The following KCNIP1 variants were observed in gnomAD, a reference collection of about 807,000 sequenced individuals.
KCNIP1 encodes the protein potassium voltage-gated channel interacting protein 1, also known as A-type potassium channel modulatory protein KCNIP1.
KCNIP1 carries 18 observed loss-of-function variants against 33.0 expected under a neutral mutation model. The observed-to-expected ratio is 0.55, with a 90% CI of 0.38 to 0.81. The LOEUF is 0.81. Among genes scored for constraint, KCNIP1 ranks in the 30% least tolerant of loss-of-function variants. The pLI is 0.00. For missense variants in KCNIP1, 238 were observed against 271.6 expected, an observed-to-expected ratio of 0.88 and a Z score of 0.87; for synonymous variants, 93 against 98.3, an observed-to-expected ratio of 0.95 and a Z score of 0.32.
intron 1 of KCNIP1, among the ~76,000 whole-genome samples, chr5:170,551,632 G>T (rs1190666430): frequency 6.6e-6 from 1 of 151,794 alleles, no homozygotes; most frequent in Non-Finnish European, 1.5e-5. Context: ...GTGTGTGTGT[G>T]TGTGCATGTG....
intron 1 of KCNIP1, among the ~76,000 whole-genome samples, chr5:170,520,852 G>A (rs1277120811): frequency 2.6e-5 from 4 of 152,098 alleles, no homozygotes; most frequent in Non-Finnish European, 2.9e-5. Context: ...CTCAGAAGCC[G>A]GGCAGTGCTG....
chr5:170,467,007 G>T (rs1288992145), intron 1 of KCNIP1, among the ~76,000 whole-genome samples: 1 of 152,226 alleles, frequency 6.6e-6, no homozygotes, highest in Admixed American at 6.5e-5. Flanking sequence ...TACTGAGAAT[G>T]TGAGTGTAAT....
intron 1 of KCNIP1, among the ~76,000 whole-genome samples, chr5:170,718,060 A>G (rs1470443320): frequency 6.6e-6 from 1 of 152,224 alleles, no homozygotes; most frequent in Admixed American, 6.5e-5. Context: ...CACTTTCTAA[A>G]TAACTAATGC....
chr5:170,499,342 G>C (rs1757368015), upstream of KCNIP1, among the ~76,000 whole-genome samples: 1 of 152,218 alleles, frequency 6.6e-6, no homozygotes, highest in African/African-American at 2.4e-5. Flanking sequence ...CACAGCAACA[G>C]GAATAGGGCA....
intron 1 of KCNIP1, among the ~76,000 whole-genome samples, chr5:170,656,500 G>C (rs1314680721): frequency 1.3e-5 from 2 of 152,230 alleles, no homozygotes; most frequent in Non-Finnish European, 2.9e-5. Context: ...CCCCCAGTGT[G>C]AGCCTCAGCT....
chr5:170,457,149 A>T (rs1313999975), intron 1 of KCNIP1, among the ~76,000 whole-genome samples: 1 of 152,272 alleles, frequency 6.6e-6, no homozygotes, highest in African/African-American at 2.4e-5. Context: ...GAGGAATACA[A>T]CAAGCCAATT....
chr5:170,610,688 A>G (rs1246195348), intron 1 of KCNIP1, among the ~76,000 whole-genome samples: 7 of 152,202 alleles, frequency 4.6e-5, no homozygotes, highest in Non-Finnish European at 5.9e-5. Flanking sequence ...TATGTATTCC[A>G]TGGAGTTGCT....
chr5:170,654,231 T>G (rs1346616898), intron 1 of KCNIP1, among the ~76,000 whole-genome samples: 2 of 152,198 alleles, frequency 1.3e-5, no homozygotes, highest in Admixed American at 6.5e-5. Flanking sequence ...GGAGGATCCA[T>G]GCCATTGACC....
intron 3 of KCNIP1, chr5:170,721,615 T>A (rs1763827325): frequency 1.2e-6 from 1 of 831,998 alleles, no homozygotes. Flanking sequence ...TCATGATGGC[T>A]AGAGGGAGGG....
chr5:170,696,254 C>T (rs1488020132), intron 1 of KCNIP1, among the ~76,000 whole-genome samples: 2 of 152,098 alleles, frequency 1.3e-5, no homozygotes, highest in African/African-American at 2.4e-5. Context: ...GTCATTGATG[C>T]CAGTATTTGT....
rs531429657 is a variant in KCNIP1 at position 170,580,383 on chromosome 5, T to C, written c.61+75750T>C. 2.6e-5 allele frequency among the ~76,000 whole-genome samples: 4 copies of C among 152,322 alleles called. No individual in the cohort carries two copies. In the South Asian group the frequency reaches 8.3e-4, roughly 32 times the overall value. On this transcript the variant is annotated intron_variant, in intron 1 of 7. Coordinates refer to ENST00000328939, the MANE Select transcript of KCNIP1 (RefSeq NM_014592.4). ...TACATGTCTTAGCCAACTTCATCCT[T>C]GTAACAAACCTGGAAGGCAGGCACT...
intron 1 of KCNIP1, among the ~76,000 whole-genome samples, chr5:170,597,789 ATATATATATATATATATATATATAT>A (rs1561708590): frequency 8.8e-4 from 2 of 2,278 alleles, no homozygotes; most frequent in African/African-American, 1.1e-3. Context: ...AGATAAATAT[ATATATATATATATATATATATATAT>A]ATATATATAT....
At chr5:170,361,084 G>A (rs1190462759) in intron 1 of KCNIP1, among the ~76,000 whole-genome samples, 1 of 152,252 alleles carries the variant, frequency 6.6e-6, no homozygotes, top group Non-Finnish European at 1.5e-5. Context: ...CTCATGCTCT[G>A]CTGGGGGACT....
Position 170,504,760 on chromosome 5 carries a change from T to C in KCNIP1, c.61+127T>C. ...CACGAGGAGCCCGGACAGGTGCTTG[T>C]ATCCAAAGGAGAGAGAAATCGGCGG... On this transcript the variant is annotated intron_variant, in intron 1 of 7. Coordinates refer to ENST00000328939, the MANE Select transcript of KCNIP1 (RefSeq NM_014592.4). The surrounding 1 kb of genome is among the most constrained non-coding windows in gnomAD (Gnocchi z 6.0). 1 of 780,884 alleles carries C rather than the reference T, an allele frequency of 1.3e-6. No homozygotes were observed. Among genetic ancestry groups the C allele is most frequent in the Non-Finnish European group, 2.2e-6 (1 of 463,784 alleles). The allele number at this position is 780,884 out of a possible 1,614,324, so 48.4% of individuals were successfully genotyped here. A position where few individuals can be genotyped will look rare whatever the true frequency, so the allele number is the denominator to read the frequency against.
At chr5:170,415,377 G>A (rs905724208) in intron 1 of KCNIP1, among the ~76,000 whole-genome samples, 3 of 152,132 alleles carry the variant, frequency 2.0e-5, no homozygotes, top group African/African-American at 7.2e-5. Flanking sequence ...ATTCTTTGCT[G>A]TGGGGGGACT....
chr5:170,500,506 G>A (rs573711037), upstream of KCNIP1, among the ~76,000 whole-genome samples: 35 of 152,296 alleles, frequency 2.3e-4, no homozygotes, highest in Admixed American at 6.5e-4. Flanking sequence ...TGCAGTCAGG[G>A]TGACTGATGG....
chr5:170,478,446 T>C (rs1437560926), intron 1 of KCNIP1, among the ~76,000 whole-genome samples: 2 of 152,072 alleles, frequency 1.3e-5, no homozygotes, highest in Non-Finnish European at 2.9e-5. Context: ...CTGCTGTTAA[T>C]GGCAGTCCTG....
chr5:170,538,128 A>G (rs149924967), intron 1 of KCNIP1, among the ~76,000 whole-genome samples: 2 of 152,316 alleles, frequency 1.3e-5, no homozygotes, highest in Non-Finnish European at 2.9e-5. Context: ...AGAAGGTTTC[A>G]CAGCCAGAGC....
At chr5:170,442,485 G>A (rs1297180806) in intron 1 of KCNIP1, among the ~76,000 whole-genome samples, 1 of 152,188 alleles carries the variant, frequency 6.6e-6, no homozygotes, top group East Asian at 1.9e-4. Context: ...GGGCCTTCAT[G>A]TCAGGTTAAG....
Sources: gnomAD v4.1 joint callset for allele counts (sites outside exome capture counted in the v4.1 genomes callset) on GRCh38, gnomAD v4.1.1 for gene constraint, Gnocchi (gnomAD v3.1) non-coding constraint, MANE v1.5 for transcripts, NCBI Gene and HGNC (gene_info 2026-07-23, HGNC 2026-07-21) for gene names.